The following RPH3A variants were observed in gnomAD, a reference collection of about 807,000 sequenced individuals.
RPH3A encodes the protein rabphilin 3A.
In RPH3A, 48 loss-of-function variants were observed where a neutral mutation model predicts 102.2. The observed-to-expected ratio is 0.47, with a 90% CI of 0.37 to 0.60. RPH3A has a LOEUF of 0.60. Among genes scored for constraint, RPH3A ranks in the 20% least tolerant of loss-of-function variants. RPH3A has a pLI of 0.00. For synonymous variants in RPH3A, 310 were observed against 324.3 expected (o/e 0.96, Z 0.47); for missense variants, 781 against 910.1 (o/e 0.86, Z 1.83).
intron 1 of RPH3A, chr12:112,694,951 G>A (rs1446893085): frequency 5.9e-6 from 1 of 170,130 alleles, no homozygotes; most frequent in East Asian, 1.9e-4. Context: ...TGCTGTCTGA[G>A]TTCTCATCCC....
chr12:112,732,658 G>T (rs934421817), intron 1 of RPH3A, among the ~76,000 whole-genome samples: 1 of 152,198 alleles, frequency 6.6e-6, no homozygotes. Context: ...TCCAGTCATT[G>T]CTTCAGCTGA....
chr12:112,737,943 T>C (rs1479721722), intron 1 of RPH3A, among the ~76,000 whole-genome samples: 1 of 152,234 alleles, frequency 6.6e-6, no homozygotes, highest in Non-Finnish European at 1.5e-5. Context: ...ACAAACTGGG[T>C]GGCTTAAAAC....
At chr12:112,604,257 G>C (rs2039578394) in intron 1 of RPH3A, among the ~76,000 whole-genome samples, 1 of 152,146 alleles carries the variant, frequency 6.6e-6, no homozygotes, top group Non-Finnish European at 1.5e-5. Flanking sequence ...ATTTTACTGA[G>C]GGTGACTTTA....
At chr12:112,670,049 T>A (rs1172621699) in intron 1 of RPH3A, among the ~76,000 whole-genome samples, 2 of 152,354 alleles carry the variant, frequency 1.3e-5, no homozygotes, top group Middle Eastern at 3.4e-3. Context: ...TCTGTAGAAT[T>A]TATTTTCAGA....
chr12:112,717,327 A>G (rs1565859046), intron 1 of RPH3A, among the ~76,000 whole-genome samples: 1 of 151,790 alleles, frequency 6.6e-6, no homozygotes, highest in Admixed American at 6.6e-5. Flanking sequence ...CCTACCCTCA[A>G]CCTCTGGCAA....
intron 1 of RPH3A, among the ~76,000 whole-genome samples, chr12:112,671,812 G>T (rs2040132335): frequency 6.6e-6 from 1 of 151,670 alleles, no homozygotes; most frequent in Admixed American, 6.6e-5. Flanking sequence ...CTGGGGCTTT[G>T]TATTAGTCAG....
At chr12:112,751,860 G>T (rs2040787725) in intron 1 of RPH3A, among the ~76,000 whole-genome samples, 1 of 152,140 alleles carries the variant, frequency 6.6e-6, no homozygotes, top group Non-Finnish European at 1.5e-5. Flanking sequence ...ACCAATTATA[G>T]TATGGCTATA....
intron 1 of RPH3A, among the ~76,000 whole-genome samples, chr12:112,717,496 T>C (rs558275217): frequency 1.8e-4 from 27 of 152,238 alleles, no homozygotes; most frequent in Admixed American, 1.3e-3. Flanking sequence ...ATATATGTAA[T>C]ATATCCCTTT....
chr12:112,880,741 C>T (rs2042895073), intron 14 of RPH3A, among the ~76,000 whole-genome samples: 1 of 152,184 alleles, frequency 6.6e-6, no homozygotes, highest in Non-Finnish European at 1.5e-5. Flanking sequence ...CTACTGTTGC[C>T]TGGAAGCCTT....
chr12:112,843,889 A>G (rs1474708515), intron 4 of RPH3A, among the ~76,000 whole-genome samples: 1 of 152,116 alleles, frequency 6.6e-6, no homozygotes, highest in African/African-American at 2.4e-5. Flanking sequence ...CTCTTCGGGA[A>G]GGGTAGGTGA....
intron 1 of RPH3A, among the ~76,000 whole-genome samples, chr12:112,735,561 C>T (rs755779592): frequency 1.2e-4 from 18 of 152,182 alleles, no homozygotes; most frequent in Non-Finnish European, 8.8e-5. Flanking sequence ...GACATGCCTT[C>T]GTTACTGCCA....
chr12:112,650,839 C>T (rs2039969286), intron 1 of RPH3A: 1 of 151,700 alleles, frequency 6.6e-6, no homozygotes, highest in South Asian at 2.1e-4. Context: ...AGTGATCCTT[C>T]CATCTTAGCC....
At chr12:112,830,185 G>A (rs1164892824) in intron 3 of RPH3A, among the ~76,000 whole-genome samples, 1 of 151,880 alleles carries the variant, frequency 6.6e-6, no homozygotes, top group Non-Finnish European at 1.5e-5. Context: ...GATACCCAAA[G>A]TACCACATTC....
At chr12:112,604,986 T>C (rs1373830827) in intron 1 of RPH3A, among the ~76,000 whole-genome samples, 1 of 152,184 alleles carries the variant, frequency 6.6e-6, no homozygotes, top group East Asian at 1.9e-4. Context: ...CTTTATTCTG[T>C]TTGGTAGAAG....
chr12:112,759,005 C>G (rs1048093562), intron 1 of RPH3A, among the ~76,000 whole-genome samples: 1 of 152,100 alleles, frequency 6.6e-6, no homozygotes, highest in Non-Finnish European at 1.5e-5. Context: ...TTTCCAAAAC[C>G]CACACAACTT....
chr12:112,609,142 G>A (rs750646279), intron 1 of RPH3A, among the ~76,000 whole-genome samples: 5 of 152,096 alleles, frequency 3.3e-5, no homozygotes, highest in Non-Finnish European at 7.4e-5. Flanking sequence ...CCAGACAATT[G>A]ACCTAGAAGG....
intron 1 of RPH3A, among the ~76,000 whole-genome samples, chr12:112,729,686 C>A (rs1233053679): frequency 6.6e-6 from 1 of 152,162 alleles, no homozygotes; most frequent in Non-Finnish European, 1.5e-5. Context: ...AACTCGTAAT[C>A]CAGTTAGCTG....
chr12:112,812,050 GA>G (rs779523556), intron 2 of RPH3A, among the ~76,000 whole-genome samples: 7,276 of 126,582 alleles, frequency 0.057, 533 homozygotes, highest in African/African-American at 0.19. Context: ...CAGTTTAGCA[GA>G]AAAAAAAAAA....
At position 112,791,899 on chromosome 12, in the gene RPH3A, A is replaced by AGAGAGAGAGAGAGAGAGAGAGAGAGAGG. The variant is rs1555209151; in HGVS notation, c.-247_-246insGAGAGAGAGAGAGAGAGAGAGGGAGAGA. The stretch of plus-strand genomic sequence containing the variant: ...GAGAGAGAGAGAGAGAGAGAGAGAG[A>AGAGAGAGAGAGAGAGAGAGAGAGAGAGG]GAGAGACTCACAGAGCTAAAACCTT... On this transcript the variant is annotated 5_prime_UTR_variant, in exon 1 of 22. Coordinates refer to ENST00000389385, the MANE Select transcript of RPH3A (RefSeq NM_001143854.2). 32 of 150,702 alleles carry AGAGAGAGAGAGAGAGAGAGAGAGAGAGG rather than the reference A, an allele frequency of 2.1e-4. No homozygotes were observed. Among genetic ancestry groups the AGAGAGAGAGAGAGAGAGAGAGAGAGAGG allele is most frequent in the Non-Finnish European group, 3.1e-4 (21 of 67,474 alleles). The allele number at this position is 150,702 out of a possible 1,614,324, so 9.3% of individuals were successfully genotyped here. A position where few individuals can be genotyped will look rare whatever the true frequency, so the allele number is the denominator to read the frequency against.
Sources: gnomAD v4.1 joint callset for allele counts (sites outside exome capture counted in the v4.1 genomes callset) on GRCh38, gnomAD v4.1.1 for gene constraint, MANE v1.5 for transcripts, NCBI Gene and HGNC (gene_info 2026-07-23, HGNC 2026-07-21) for gene names.